Variants in SORBS2 observed in about 807,000 individuals in gnomAD.
SORBS2 encodes the protein sorbin and SH3 domain containing 2.
SORBS2 carries 46 observed loss-of-function variants against 97.7 expected under a neutral mutation model. That is an observed-to-expected ratio of 0.47 (90% CI 0.37 to 0.60). The LOEUF is 0.60. Ranked by LOEUF, SORBS2 falls within the 20% of genes least tolerant of loss-of-function variation. The pLI, the probability that SORBS2 is intolerant of heterozygous loss-of-function variation, is 0.00. For missense variants in SORBS2, 1,316 were observed against 1,282.3 expected (o/e 1.03, Z -0.40); for synonymous variants, 476 against 473.4 (o/e 1.01, Z -0.07).
chr4:185,654,766 A>G, intron 1 of SORBS2, among the ~76,000 whole-genome samples: 1 of 151,860 alleles, frequency 6.6e-6, no homozygotes, highest in East Asian at 1.9e-4. Context: ...TGTACGTAAA[A>G]TCATTTTGCA....
At chr4:185,620,109 A>C (rs2096694274) in exon 8 of SORBS2, 2 of 1,612,596 alleles carry the variant, frequency 1.2e-6, no homozygotes, top group Admixed American at 1.7e-5. Flanking sequence ...ACTTCTCCCC[A>C]TGTCAGTCAA....
At chr4:185,737,196 G>A (rs2098692978) in intron 2 of SORBS2, among the ~76,000 whole-genome samples, 1 of 152,198 alleles carries the variant, frequency 6.6e-6, no homozygotes, top group Non-Finnish European at 1.5e-5. Flanking sequence ...TAGAAGGAGA[G>A]GTTAATCTTG....
chr4:185,592,169 T>C (rs76092675), intron 13 of SORBS2: 4 of 152,626 alleles, frequency 2.6e-5, no homozygotes, highest in South Asian at 4.1e-4. Flanking sequence ...TCTCGATAAC[T>C]TGCAACTTTT....
chr4:185,605,488 TGGACAGG>T (rs1561359179), intron 12 of SORBS2, among the ~76,000 whole-genome samples: 1 of 151,822 alleles, frequency 6.6e-6, no homozygotes, highest in African/African-American at 2.4e-5. Flanking sequence ...TTTACCATGT[TGGACAGG>T]TTGGTTTCGA....
At chr4:185,950,070 G>A (rs550194032) in intron 1 of SORBS2, among the ~76,000 whole-genome samples, 9 of 152,274 alleles carry the variant, frequency 5.9e-5, no homozygotes, top group African/African-American at 2.2e-4. Context: ...TGGCCACCAT[G>A]GTGAAACCCC....
chr4:185,832,312 T>G (rs550470042), intron 1 of SORBS2, among the ~76,000 whole-genome samples: 4 of 152,332 alleles, frequency 2.6e-5, no homozygotes, highest in Admixed American at 1.3e-4. Flanking sequence ...ATTATTTTCT[T>G]AGATTTTAAG....
chr4:185,683,528 T>C (rs1335552463), intron 2 of SORBS2, among the ~76,000 whole-genome samples: 1 of 152,210 alleles, frequency 6.6e-6, no homozygotes, highest in East Asian at 1.9e-4. Flanking sequence ...CCAAGGTAAA[T>C]ACATCTGTAG....
intron 2 of SORBS2, among the ~76,000 whole-genome samples, chr4:185,730,609 T>C (rs1399901802): frequency 1.3e-5 from 2 of 152,234 alleles, no homozygotes; most frequent in Non-Finnish European, 2.9e-5. Context: ...TTGTAGTTCC[T>C]CCAAGAAAGG....
chr4:185,624,082 G>A lies in SORBS2; in HGVS notation c.1047C>T (p.Asn349=), dbSNP rs553201967. The change falls in exon 7 of 15, where the codon AAC becomes AAT. Residue 349 remains asparagine (N), a synonymous_variant. Coordinates refer to ENST00000418609, the Ensembl canonical transcript of SORBS2. ...TGTACATCTTCAGGAACCCCGGGGCGTTGCGGGCTGACCTGTGTCTGATCC... is the reference window on the plus strand; with the variant it reads ...TGTACATCTTCAGGAACCCCGGGGCATTGCGGGCTGACCTGTGTCTGATCC... 36 of 1,614,188 alleles carry A rather than the reference G, an allele frequency of 2.2e-5. No individual in the cohort carries two copies. The East Asian group carries it at 6.2e-4, about 28-fold the overall frequency.
chr4:185,646,612 G>T (rs1273338977), intron 4 of SORBS2, 56 bp downstream of exon 13: 18 of 1,050,634 alleles, frequency 1.7e-5, no homozygotes, highest in Non-Finnish European at 2.2e-5. Context: ...CAGGTTTATT[G>T]GGGAGCCCTG....
At chr4:185,884,560 C>A (rs1031506) in intron 1 of SORBS2, among the ~76,000 whole-genome samples, 41,588 of 152,038 alleles carry the variant, frequency 0.27, 5,941 homozygotes, top group East Asian at 0.54. Flanking sequence ...GCAATGAGGG[C>A]CCAGCAGAGC....
chr4:185,869,244 T>C (rs1486824471), intron 1 of SORBS2, among the ~76,000 whole-genome samples: 2 of 152,206 alleles, frequency 1.3e-5, no homozygotes, highest in Non-Finnish European at 2.9e-5. Flanking sequence ...ACACTTTTTC[T>C]TAATCTTTCT....
rs182908035 is a variant in SORBS2, at chr4:185,746,444, G to A, written c.-198+28783C>T. Among the ~76,000 whole-genome samples the A allele has an allele frequency of 3.6e-3, 542 of 152,252 alleles. 4 individuals are homozygous for A. The highest frequency in any genetic ancestry group is 4.2e-3 in the Non-Finnish European group (285 of 68,022). On this transcript the variant is annotated intron_variant, in intron 2 of 20. Coordinates refer to the SORBS2 transcript ENST00000284776. ...CAATTCTCCTGCCTCAGCCTCCCGA[G>A]TAGCTGGGACTAGAGGTGTGCACCA...
At chr4:185,655,538 A>G (rs2097384800) in intron 1 of SORBS2, among the ~76,000 whole-genome samples, 1 of 152,220 alleles carries the variant, frequency 6.6e-6, no homozygotes, top group East Asian at 1.9e-4. Context: ...TAAAGGTCCA[A>G]GTAAGACAAC....
At chr4:185,892,907 T>C (rs1028127397) in intron 1 of SORBS2, among the ~76,000 whole-genome samples, 4 of 152,200 alleles carry the variant, frequency 2.6e-5, no homozygotes, top group Non-Finnish European at 4.4e-5. Context: ...TAAAAATGGC[T>C]AAAATGGTCA....
intron 1 of SORBS2, among the ~76,000 whole-genome samples, chr4:185,863,256 T>C (rs1198969488): frequency 6.6e-6 from 1 of 152,054 alleles, no homozygotes; most frequent in African/African-American, 2.4e-5. Flanking sequence ...TAGACCTTTA[T>C]TGAGTGCCTG....
At chr4:185,608,497 T>C (rs1372778127) in intron 12 of SORBS2, among the ~76,000 whole-genome samples, 1 of 94,448 alleles carries the variant, frequency 1.1e-5, no homozygotes, top group Middle Eastern at 4.4e-3. Context: ...AAGCTTAATC[T>C]TCTGAAGTAA....
chr4:185,858,504 GTAAAATAAGA>G (rs2099221936), intron 1 of SORBS2, among the ~76,000 whole-genome samples: 1 of 152,048 alleles, frequency 6.6e-6, no homozygotes, highest in Non-Finnish European at 1.5e-5. Flanking sequence ...AAAAATCATG[GTAAAATAAGA>G]TGCTTAGCAC....
chr4:185,767,147 T>C (rs2098938509), intron 2 of SORBS2, among the ~76,000 whole-genome samples: 1 of 152,082 alleles, frequency 6.6e-6, no homozygotes, highest in Non-Finnish European at 1.5e-5. Context: ...AAGCCAAAAC[T>C]TAGGATTTGA....
Sources: allele counts gnomAD v4.1 joint callset (sites outside exome capture counted in the v4.1 genomes callset), GRCh38; gene constraint gnomAD v4.1.1; transcripts MANE v1.5; gene names NCBI Gene and HGNC (gene_info 2026-07-23, HGNC 2026-07-21).